PPL: variants seen among roughly 807,000 people sequenced by gnomAD.
The protein encoded by PPL is 190 kDa paraneoplastic pemphigus antigen.
A neutral mutation model predicts 194.4 loss-of-function variants in PPL; 198 were observed. The ratio of observed to expected loss-of-function variants is 1.02; its 90% CI spans 0.91 to 1.15. The LOEUF (loss-of-function observed/expected upper bound fraction) is 1.15. PPL is among the 50% of genes most tolerant of loss of function. The probability of loss-of-function intolerance (pLI) is 0.00; values close to 1 mark genes in which losing one functional copy is unlikely to be tolerated. For missense variants in PPL, 2,885 were observed against 2,294.8 expected (o/e 1.26, Z -5.25); for synonymous variants, 1,220 against 972.4 (o/e 1.25, Z -4.74).
intron 1 of PPL, among the ~76,000 whole-genome samples, chr16:4,918,688 G>A (rs1015401818): frequency 3.9e-5 from 6 of 152,174 alleles, no homozygotes; most frequent in South Asian, 4.1e-4. Flanking sequence ...GCTGGGATTC[G>A]AATCCAGGCC....
At chr16:4,919,199 G>C (rs1375134718) in intron 1 of PPL, among the ~76,000 whole-genome samples, 1 of 152,198 alleles carries the variant, frequency 6.6e-6, no homozygotes, top group Non-Finnish European at 1.5e-5. Flanking sequence ...CCCTCGAAGG[G>C]GCCTCAGAAG....
chr16:4,928,014 G>C (rs1406991799), intron 1 of PPL, among the ~76,000 whole-genome samples: 1 of 152,244 alleles, frequency 6.6e-6, no homozygotes, highest in East Asian at 1.9e-4. Context: ...GCTGAGGTGG[G>C]AGGATTCATA....
intron 2 of PPL, among the ~76,000 whole-genome samples, chr16:4,908,698 C>T (rs1316212679): frequency 1.4e-5 from 2 of 148,054 alleles, no homozygotes; most frequent in African/African-American, 2.5e-5. Flanking sequence ...CACCACCACA[C>T]CTGGCAAATT....
intron 12 of PPL, 46 bp from the exon 13 acceptor site, chr16:4,893,684 C>G: frequency 6.7e-7 from 1 of 1,493,336 alleles, no homozygotes; most frequent in South Asian, 1.2e-5. Flanking sequence ...CCCACCACCC[C>G]CTGCACCCAC....
rs1021523736 is a variant in PPL, at chr16:4,882,877, G to C, written c.*507C>G. The C allele has an allele frequency of 5.8e-6, 1 of 171,006 alleles. No homozygotes were observed. Among genetic ancestry groups the C allele is most frequent in the Non-Finnish European group, 1.2e-5 (1 of 80,786 alleles). 10.6% of individuals were successfully genotyped at this position (171,006 alleles called of 1,614,324 possible). On this transcript the variant is annotated 3_prime_UTR_variant, in exon 22 of 22. Transcript: ENST00000345988. ...GGAGCCCAGATCTGTCTCATGAGCA[G>C]AGTAACTACTGAGGAGGCTTCTCGG... is the stretch of plus-strand genomic sequence containing the variant.
intron 2 of PPL, 110 bp downstream of exon 2, chr16:4,910,739 CG>C: frequency 2.1e-6 from 2 of 960,628 alleles, no homozygotes; most frequent in Non-Finnish European, 1.7e-6. Flanking sequence ...CATGTTCCCT[CG>C]GGGCCACAAT....
intron 6 of PPL, 24 bp from the exon 7 acceptor site, chr16:4,899,408 G>T: frequency 6.3e-7 from 1 of 1,587,438 alleles, no homozygotes; most frequent in South Asian, 1.1e-5. Context: ...GGCAAGGAAA[G>T]GGCTGCGTCC....
intron 2 of PPL, among the ~76,000 whole-genome samples, chr16:4,908,230 G>C (rs1596565664): frequency 6.6e-6 from 1 of 151,422 alleles, no homozygotes; most frequent in African/African-American, 2.4e-5. Flanking sequence ...AGTGGCTCAT[G>C]CCTGTAAATC....
At position 4,902,347 on chromosome 16, in the gene PPL, C is replaced by T; in HGVS notation, c.438+59G>A. 6.2e-7 allele frequency: 1 copy of T among 1,601,444 alleles called. No homozygotes were observed. The highest frequency in any genetic ancestry group is 8.5e-7 in the Non-Finnish European group (1 of 1,173,382). On this transcript the variant is annotated intron_variant, in intron 4 of 21. Transcript: ENST00000345988. This position sits in a 1 kb window ranked among gnomAD's most constrained non-coding sequence, Gnocchi z 4.0. Reference sequence around the variant, plus strand: ...ATTACATGGGTAGGCTCTCCCTGCACACGCACAGCCCCCTCCCCAGCTGAA... The same window carrying T: ...ATTACATGGGTAGGCTCTCCCTGCATACGCACAGCCCCCTCCCCAGCTGAA...
chr16:4,889,649 A>G (rs1434987523), intron 18 of PPL, among the ~76,000 whole-genome samples: 2 of 152,238 alleles, frequency 1.3e-5, no homozygotes, highest in African/African-American at 4.8e-5. Context: ...ACCACCAGAC[A>G]CTGTTCTGCT....
intron 1 of PPL, among the ~76,000 whole-genome samples, chr16:4,934,755 C>G (rs547228292): frequency 1.3e-5 from 2 of 152,188 alleles, no homozygotes; most frequent in Non-Finnish European, 2.9e-5. Context: ...ACCCCCCCAC[C>G]AAGACACTTG....
rs557338273 is a variant in PPL at position 4,884,729 on chromosome 16, G to T, written c.3926C>A (p.Ala1309Glu). ...CTCTGAGAGCTTTGCCCTCAGAGAC[G>T]CCACCTCCTCCTTGGTTTGAGGGTC... Reference protein sequence around the residue: ...QEDPQTKEEVASLRAKLSEEQ... With the variant: ...QEDPQTKEEVESLRAKLSEEQ... Residue 1309 changes from alanine (A) to glutamate (E), a missense_variant, in exon 22 of 22, where the codon GCG (alanine) becomes GAG (glutamate). Transcript: ENST00000345988. The surrounding 1 kb of genome is among the most constrained non-coding windows in gnomAD (Gnocchi z 5.7). 1 of 1,614,078 alleles carries T rather than the reference G, an allele frequency of 6.2e-7. No homozygotes were observed. The highest frequency in any genetic ancestry group is 1.3e-5 in the African/African-American group (1 of 75,018).
chr16:4,927,776 A>G (rs2089177900), intron 1 of PPL, among the ~76,000 whole-genome samples: 1 of 152,220 alleles, frequency 6.6e-6, no homozygotes, highest in African/African-American at 2.4e-5. Flanking sequence ...CTGCCCAGGG[A>G]AGGCCGCCCT....
At chr16:4,907,175 T>C (rs567609486) in intron 2 of PPL, among the ~76,000 whole-genome samples, 137 of 151,608 alleles carry the variant, frequency 9.0e-4, no homozygotes, top group African/African-American at 3.2e-3. Context: ...GGTGGGAGGA[T>C]TGCTTGAGCC....
intron 9 of PPL, 55 bp downstream of exon 9, chr16:4,897,620 G>A (rs1023379457): frequency 2.4e-5 from 34 of 1,411,356 alleles, no homozygotes; most frequent in Admixed American, 5.1e-5. Context: ...GGCACTGAGC[G>A]CTCTCAGAGA....
Position 4,895,584 on chromosome 16 carries a change from C to T in PPL, c.1095+10G>A. The T allele has an allele frequency of 1.2e-6, 2 of 1,613,810 alleles. No individual in the cohort carries two copies. The highest frequency in any genetic ancestry group is 2.2e-5 in the South Asian group (2 of 91,082). On this transcript the variant is annotated intron_variant, in intron 10 of 21. Transcript: ENST00000345988. ...CCCCGGGCCAGCAGGGGTCCTGGGC[C>T]ATCGCTCACATCCAGCTCCCGCAGC...
At chr16:4,935,592 T>C (rs562886622) in intron 1 of PPL, among the ~76,000 whole-genome samples, 142 of 151,620 alleles carry the variant, frequency 9.4e-4, no homozygotes, top group African/African-American at 3.2e-3. Context: ...GGTGGGGAAA[T>C]CTCTAAAGGC....
Position 4,883,642 on chromosome 16 carries a change from C to G in PPL, c.5013G>C (p.Pro1671=). Residue 1671 remains proline (P), a synonymous_variant, in exon 22 of 22, where the codon CCG becomes CCC. Transcript: ENST00000345988. This position sits in a 1 kb window ranked among gnomAD's most constrained non-coding sequence, Gnocchi z 4.8. ...TGAGCCCGGCACGGTGGGCTTCCTC[C>G]GGGGACAGCTCGCGGCCTGTGTCAG... The part of the protein sequence containing the change: ...IHPDTGRELS[P]EEAHRAGLID... 1 of 1,614,180 alleles carries G rather than the reference C, an allele frequency of 6.2e-7. No individual in the cohort carries two copies. Among genetic ancestry groups the G allele is most frequent in the Non-Finnish European group, 8.5e-7 (1 of 1,180,012 alleles).
At chr16:4,886,208 C>G (rs1009852522) in intron 21 of PPL, among the ~76,000 whole-genome samples, 161 bp from the exon 22 acceptor site, 3 of 149,662 alleles carry the variant, frequency 2.0e-5, no homozygotes, top group African/African-American at 7.7e-5. Context: ...CAAAAAGGAT[C>G]AAACAACTAG....
Sources: allele counts gnomAD v4.1 joint callset (sites outside exome capture counted in the v4.1 genomes callset), GRCh38; gene constraint gnomAD v4.1.1; non-coding constraint Gnocchi (gnomAD v3.1); transcripts MANE v1.5; gene names NCBI Gene and HGNC (gene_info 2026-07-23, HGNC 2026-07-21).